The following DGKI variants were observed in gnomAD, a reference collection of about 807,000 sequenced individuals.
The protein encoded by DGKI is diacylglycerol kinase iota, also known as DAG kinase iota.
A neutral mutation model predicts 147.5 loss-of-function variants in DGKI; 55 were observed. That is an observed-to-expected ratio of 0.37 (90% confidence interval 0.30 to 0.47). The LOEUF (loss-of-function observed/expected upper bound fraction) is 0.47, where lower values mean the gene tolerates loss of function less well. Among genes scored for constraint, DGKI ranks in the 20% least tolerant of loss-of-function variants. The probability of loss-of-function intolerance (pLI) is 1.00; values close to 1 mark genes in which losing one functional copy is unlikely to be tolerated. For synonymous variants in DGKI, 469 were observed against 477.1 expected (o/e 0.98, Z 0.22); for missense variants, 1,007 against 1,323.8 (o/e 0.76, Z 3.71).
chr7:137,777,286 G>A (rs779855893), intron 1 of DGKI, among the ~76,000 whole-genome samples: 74 of 152,112 alleles, frequency 4.9e-4, no homozygotes, highest in Admixed American at 1.2e-3. Context: ...AGTGGAAAAG[G>A]CATTGTCTGC....
At chr7:137,635,717 A>T (rs1419013979) in intron 6 of DGKI, among the ~76,000 whole-genome samples, 1 of 152,166 alleles carries the variant, frequency 6.6e-6, no homozygotes, top group Non-Finnish European at 1.5e-5. Context: ...ATATCCTATG[A>T]GCACCATCCA....
intron 28 of DGKI, among the ~76,000 whole-genome samples, chr7:137,433,527 T>C (rs1813162982): frequency 6.6e-6 from 1 of 152,222 alleles, no homozygotes; most frequent in Admixed American, 6.5e-5. Flanking sequence ...ATGAGAATTA[T>C]ATTATAATAA....
At chr7:137,537,038 T>C (rs1817543935) in intron 20 of DGKI, among the ~76,000 whole-genome samples, 1 of 152,212 alleles carries the variant, frequency 6.6e-6, no homozygotes, top group African/African-American at 2.4e-5. Context: ...GAATTGTCCA[T>C]TGCAGATGTC....
rs528080783 is a variant in DGKI at position 137,629,080 on chromosome 7, C to CT, written c.805-5527dup. ...AACAAAATAAACCTCTCCATATCCACTAGCGTGTCCAAGGCTCACAAAGTA... is the reference window on the plus strand; with the variant it reads ...AACAAAATAAACCTCTCCATATCCACTTAGCGTGTCCAAGGCTCACAAAGTA... On this transcript the variant is annotated intron_variant, in intron 6 of 32. Coordinates refer to ENST00000614521, the MANE Select transcript of DGKI (RefSeq NM_001321708.2). 2.2e-3 allele frequency among the ~76,000 whole-genome samples: 342 copies of CT among 152,290 alleles called. 1 individual carries two copies. The highest frequency in any genetic ancestry group is 8.0e-3 in the African/African-American group (333 of 41,558).
chr7:137,691,807 T>G (rs926197338), intron 1 of DGKI, among the ~76,000 whole-genome samples: 1 of 132,700 alleles, frequency 7.5e-6, no homozygotes, highest in Non-Finnish European at 1.5e-5. Context: ...GGTTTTTTTT[T>G]TTTTTTTTTT....
chr7:137,501,019 CT>C (rs1365916042), intron 21 of DGKI, among the ~76,000 whole-genome samples: 1 of 152,092 alleles, frequency 6.6e-6, no homozygotes, highest in Non-Finnish European at 1.5e-5. Context: ...TTCACTTCCC[CT>C]TACCCCTACG....
intron 5 of DGKI, among the ~76,000 whole-genome samples, chr7:137,650,674 A>T (rs1821994048): frequency 6.6e-6 from 1 of 152,152 alleles, no homozygotes; most frequent in South Asian, 2.1e-4. Context: ...GCAGTCTGCA[A>T]CCCCAAAGAT....
At chr7:137,407,098 T>G (rs550016635) in intron 30 of DGKI, among the ~76,000 whole-genome samples, 1 of 152,328 alleles carries the variant, frequency 6.6e-6, no homozygotes, top group East Asian at 1.9e-4. Flanking sequence ...AATTAGACTC[T>G]TTCATTCCTT....
intron 30 of DGKI, 47 bp from the exon 31 acceptor site, chr7:137,397,460 C>G (rs1443580832): frequency 6.3e-7 from 1 of 1,582,138 alleles, no homozygotes; most frequent in Non-Finnish European, 8.6e-7. Flanking sequence ...AGCTCAAAAA[C>G]TAAACATTAA....
In DGKI at chr7:137,643,017, C is replaced by A. The variant is rs563608165; in HGVS notation, c.804+2455G>T. ...TAAAAGTCTATGAATATGGGCCGGG[C>A]GCGGTGGCTCATGCCTATAATCCTA... On this transcript the variant is annotated intron_variant, in intron 6 of 32. Coordinates refer to ENST00000614521, the MANE Select transcript of DGKI (RefSeq NM_001321708.2). Among the ~76,000 whole-genome samples, 22 of 147,922 alleles carry A rather than the reference C, an allele frequency of 1.5e-4. No homozygotes were observed. The South Asian group carries it at 4.7e-3, about 31-fold the overall frequency.
chr7:137,526,777 A>G (rs1817160739), intron 20 of DGKI, among the ~76,000 whole-genome samples: 1 of 152,136 alleles, frequency 6.6e-6, no homozygotes, highest in Admixed American at 6.6e-5. Context: ...TAGAATTTCA[A>G]TCCATCAGAG....
chr7:137,528,293 G>C (rs957352275), intron 20 of DGKI, among the ~76,000 whole-genome samples: 1 of 152,156 alleles, frequency 6.6e-6, no homozygotes, highest in Non-Finnish European at 1.5e-5. Flanking sequence ...CAAATAAAAA[G>C]ACAGAAGAAC....
At chr7:137,645,007 G>A (rs1821774721) in intron 6 of DGKI, among the ~76,000 whole-genome samples, 1 of 152,262 alleles carries the variant, frequency 6.6e-6, no homozygotes, top group South Asian at 2.1e-4. Flanking sequence ...AATAAAAAGG[G>A]CATCTCTTCC....
intron 1 of DGKI, among the ~76,000 whole-genome samples, chr7:137,805,137 T>C (rs1326585939): frequency 3.3e-5 from 5 of 152,196 alleles, no homozygotes; most frequent in African/African-American, 1.2e-4. Context: ...AAAGATAATT[T>C]CTCTCTGTAT....
At chr7:137,695,773 A>C (rs1235676189) in intron 1 of DGKI, among the ~76,000 whole-genome samples, 3 of 152,204 alleles carry the variant, frequency 2.0e-5, no homozygotes, top group Non-Finnish European at 1.5e-5. Flanking sequence ...CTTAATTATA[A>C]ATTTCCTGTC....
chr7:137,508,546 T>C (rs1478739090), intron 21 of DGKI, among the ~76,000 whole-genome samples: 1 of 152,094 alleles, frequency 6.6e-6, no homozygotes, highest in African/African-American at 2.4e-5. Flanking sequence ...TTCTTGATTA[T>C]ATGGCTCTGA....
intron 3 of DGKI, among the ~76,000 whole-genome samples, chr7:137,657,909 T>G (rs1313399597): frequency 2.0e-5 from 3 of 152,200 alleles, no homozygotes; most frequent in Non-Finnish European, 4.4e-5. Context: ...TATTTACACA[T>G]TATCAGCCAC....
intron 1 of DGKI, among the ~76,000 whole-genome samples, chr7:137,692,574 G>A (rs531545408): frequency 2.0e-5 from 3 of 152,258 alleles, no homozygotes; most frequent in South Asian, 2.1e-4. Context: ...GACTCTGACC[G>A]CCAAAACCCG....
intron 8 of DGKI, among the ~76,000 whole-genome samples, chr7:137,618,380 C>T (rs1820624450): frequency 6.6e-6 from 1 of 151,028 alleles, no homozygotes; most frequent in South Asian, 2.1e-4. Context: ...GTGTGCCATT[C>T]TCCTGCCTGC....
Sources: gnomAD v4.1 joint callset for allele counts (sites outside exome capture counted in the v4.1 genomes callset) on GRCh38, gnomAD v4.1.1 for gene constraint, MANE v1.5 for transcripts, NCBI Gene and HGNC (gene_info 2026-07-23, HGNC 2026-07-21) for gene names.